The following PCDH15 variants were observed in gnomAD, a reference collection of about 807,000 sequenced individuals.
The protein encoded by PCDH15 is protocadherin related 15.
A neutral mutation model predicts 178.5 loss-of-function variants in PCDH15; 129 were observed. The observed-to-expected ratio is 0.72, with a 90% CI of 0.63 to 0.84. PCDH15 has a LOEUF of 0.84. PCDH15 is among the 40% of genes least tolerant of loss of function. The pLI is 0.00. For synonymous variants in PCDH15, 800 were observed against 732.0 expected (o/e 1.09, Z -1.50); for missense variants, 2,230 against 2,099.9 (o/e 1.06, Z -1.21).
At chr10:55,240,889 A>G (rs567104963) in intron 1 of PCDH15, among the ~76,000 whole-genome samples, 1 of 152,342 alleles carries the variant, frequency 6.6e-6, no homozygotes, top group South Asian at 2.1e-4. Context: ...GATTGTTATA[A>G]TGCACATCTA....
At chr10:53,927,300 T>A (rs2084650536) in intron 25 of PCDH15, among the ~76,000 whole-genome samples, 1 of 152,160 alleles carries the variant, frequency 6.6e-6, no homozygotes, top group South Asian at 2.1e-4. Flanking sequence ...ATTGTCCCAG[T>A]CATTCTTTAC....
intron 2 of PCDH15, among the ~76,000 whole-genome samples, chr10:54,996,868 T>G (rs1022576894): frequency 6.6e-6 from 1 of 152,066 alleles, no homozygotes; most frequent in African/African-American, 2.4e-5. Context: ...CCCAGCACTT[T>G]GGGAGCCCAA....
chr10:55,094,009 A>T (rs1280227309), intron 2 of PCDH15, among the ~76,000 whole-genome samples: 1 of 152,156 alleles, frequency 6.6e-6, no homozygotes, highest in Admixed American at 6.6e-5. Context: ...CTAGAACTAG[A>T]AATACCATTT....
intron 21 of PCDH15, among the ~76,000 whole-genome samples, chr10:53,962,920 A>C (rs947751932): frequency 1.2e-4 from 19 of 152,144 alleles, no homozygotes; most frequent in Non-Finnish European, 4.4e-5. Flanking sequence ...ATTTCTTAAA[A>C]CCTAGAAGTC....
intron 1 of PCDH15, among the ~76,000 whole-genome samples, chr10:54,777,089 T>C (rs960825615): frequency 6.6e-6 from 1 of 152,222 alleles, no homozygotes; most frequent in African/African-American, 2.4e-5. Context: ...TTTTAAGAGA[T>C]ACCACGAAAG....
At chr10:54,946,095 T>C (rs1430699066) in intron 2 of PCDH15, among the ~76,000 whole-genome samples, 1 of 151,968 alleles carries the variant, frequency 6.6e-6, no homozygotes, top group African/African-American at 2.4e-5. Context: ...ATTGGGACTA[T>C]TTTGGTCAGA....
At chr10:53,807,263 G>A (rs1589058069) in intron 37 of PCDH15, 133 bp from the exon 38 acceptor site, 1 of 686,808 alleles carries the variant, frequency 1.5e-6, no homozygotes, top group Non-Finnish European at 2.3e-6. Context: ...GAGATAGAAG[G>A]AAGCCAGTCT....
chr10:55,022,150 A>T (rs1840346995), intron 2 of PCDH15, among the ~76,000 whole-genome samples: 1 of 152,018 alleles, frequency 6.6e-6, no homozygotes, highest in African/African-American at 2.4e-5. Flanking sequence ...ATAATGATAT[A>T]TCGTATTATT....
At chr10:55,041,123 C>T (rs1244897060) in intron 2 of PCDH15, among the ~76,000 whole-genome samples, 1 of 151,924 alleles carries the variant, frequency 6.6e-6, no homozygotes, top group Non-Finnish European at 1.5e-5. Context: ...TAACCCTAAC[C>T]CCATGTCTAT....
At chr10:54,030,661 G>C (rs2093266925) in intron 18 of PCDH15, among the ~76,000 whole-genome samples, 1 of 151,896 alleles carries the variant, frequency 6.6e-6, no homozygotes, top group East Asian at 1.9e-4. Context: ...ATTTCTCAAG[G>C]GGTCAGCTAT....
intron 2 of PCDH15, among the ~76,000 whole-genome samples, chr10:55,008,445 G>A (rs1450423545): frequency 6.6e-6 from 1 of 152,056 alleles, no homozygotes; most frequent in Non-Finnish European, 1.5e-5. Flanking sequence ...TGAATTACTT[G>A]ATACAGGTTT....
intron 1 of PCDH15, among the ~76,000 whole-genome samples, chr10:55,227,008 T>C (rs1477882696): frequency 6.6e-6 from 1 of 152,080 alleles, no homozygotes; most frequent in Non-Finnish European, 1.5e-5. Flanking sequence ...TCACAAGACA[T>C]GAGTTTTCAG....
chr10:55,563,958 T>C (rs1378256134), intron 2 of PCDH15, among the ~76,000 whole-genome samples: 1 of 151,892 alleles, frequency 6.6e-6, no homozygotes, highest in East Asian at 1.9e-4. Context: ...CATTAGATAG[T>C]AACTCAAAGC....
intron 1 of PCDH15, among the ~76,000 whole-genome samples, chr10:55,196,241 A>G (rs1399159319): frequency 1.3e-5 from 2 of 152,062 alleles, no homozygotes; most frequent in Admixed American, 6.6e-5. Context: ...CCAGTCATGT[A>G]CCATTCACAC....
At chr10:54,760,084 C>T (rs1397349869) in intron 1 of PCDH15, among the ~76,000 whole-genome samples, 6 of 152,146 alleles carry the variant, frequency 3.9e-5, no homozygotes, top group Admixed American at 3.9e-4. Flanking sequence ...TGCTCAAAAC[C>T]ATTCATTGAA....
At chr10:54,055,162 A>G (rs2093858530) in intron 18 of PCDH15, among the ~76,000 whole-genome samples, 1 of 152,142 alleles carries the variant, frequency 6.6e-6, no homozygotes, top group South Asian at 2.1e-4. Flanking sequence ...TTTACTAATG[A>G]TTTTAAAACT....
At chr10:54,009,622 G>A (rs1163942328) in intron 20 of PCDH15, among the ~76,000 whole-genome samples, 2 of 152,204 alleles carry the variant, frequency 1.3e-5, no homozygotes, top group Non-Finnish European at 2.9e-5. Context: ...AGACACACTG[G>A]AATTCATCAG....
intron 9 of PCDH15, among the ~76,000 whole-genome samples, chr10:54,218,336 C>G (rs1285544300): frequency 1.3e-5 from 2 of 152,136 alleles, no homozygotes; most frequent in African/African-American, 2.4e-5. Flanking sequence ...AGAATTAATT[C>G]AACATCATCT....
chr10:55,219,616 C>T (rs767550488), intron 1 of PCDH15, among the ~76,000 whole-genome samples: 16 of 150,824 alleles, frequency 1.1e-4, no homozygotes, highest in Non-Finnish European at 4.4e-5. Context: ...GAATCAAATG[C>T]CTTTTAATAT....
Sources: gnomAD v4.1 joint callset for allele counts (sites outside exome capture counted in the v4.1 genomes callset) on GRCh38, gnomAD v4.1.1 for gene constraint, MANE v1.5 for transcripts, NCBI Gene and HGNC (gene_info 2026-07-23, HGNC 2026-07-21) for gene names.